The following GJB7 variants were observed in gnomAD, a reference collection of about 807,000 sequenced individuals.
GJB7 encodes the protein gap junction protein beta 7, also known as gap junction beta-7 protein.
For missense variants in GJB7, 253 were observed against 256.8 expected, an observed-to-expected ratio of 0.99 and a Z score of 0.10; for synonymous variants, 87 against 95.2, an observed-to-expected ratio of 0.91 and a Z score of 0.50.
intron 2 of GJB7, among the ~76,000 whole-genome samples, chr6:87,293,787 A>G (rs1776213156): frequency 6.6e-6 from 1 of 152,360 alleles, no homozygotes; most frequent in South Asian, 2.1e-4. Flanking sequence ...GCACTAACCC[A>G]AACAAAGGTA....
rs547582214 is a variant in GJB7, at chr6:87,321,171, A to G, written c.-28+1695T>C. Among the ~76,000 whole-genome samples the G allele has an allele frequency of 4.0e-5, 6 of 150,622 alleles. 2 individuals carry two copies. The highest frequency in any genetic ancestry group is 1.2e-4 in the African/African-American group (5 of 40,936). ...GAGGTGGAGGTTGCAGTGAGCCGAG[A>G]TCATGCCACTGCACTCCAGCCTGGG... On this transcript the variant is annotated intron_variant, in intron 2 of 2. Coordinates refer to ENST00000525899, the MANE Select transcript of GJB7 (RefSeq NM_198568.3).
intron 2 of GJB7, chr6:87,322,225 G>A (rs1259887770): frequency 6.6e-6 from 1 of 152,164 alleles, no homozygotes; most frequent in Non-Finnish European, 1.5e-5. Flanking sequence ...AGTAGGGGTA[G>A]GAAGAAATCA....
intron 2 of GJB7, among the ~76,000 whole-genome samples, chr6:87,296,832 C>T (rs1365022398): frequency 6.6e-6 from 1 of 152,116 alleles, no homozygotes; most frequent in African/African-American, 2.4e-5. Flanking sequence ...GGGAAAAGAC[C>T]TAGCCATCTT....
intron 2 of GJB7, among the ~76,000 whole-genome samples, chr6:87,304,213 C>G (rs549248572): frequency 2.0e-5 from 3 of 152,054 alleles, no homozygotes; most frequent in Non-Finnish European, 2.9e-5. Flanking sequence ...CAAAAAAAAC[C>G]CTTCAAAAAA....
chr6:87,288,832 C>G (rs1372382197), intron 2 of GJB7, among the ~76,000 whole-genome samples: 1 of 152,224 alleles, frequency 6.6e-6, no homozygotes, highest in African/African-American at 2.4e-5. Context: ...GCTTCCACCA[C>G]TCTAATCCAT....
intron 2 of GJB7, chr6:87,300,268 G>A (rs1776301398): frequency 5.4e-6 from 1 of 185,500 alleles, no homozygotes; most frequent in Admixed American, 6.2e-5. Context: ...TGGTGATGAT[G>A]CTATGTTATG....
intron 2 of GJB7, among the ~76,000 whole-genome samples, chr6:87,310,323 C>T (rs960144010): frequency 9.2e-5 from 14 of 151,970 alleles, no homozygotes; most frequent in South Asian, 8.3e-4. Context: ...TTCAGTGTTT[C>T]GAGGAATTGA....
intron 1 of GJB7, among the ~76,000 whole-genome samples, chr6:87,324,402 G>C (rs1425469429): frequency 2.0e-5 from 3 of 151,624 alleles, no homozygotes; most frequent in Admixed American, 2.0e-4. Context: ...TATGGTTTTA[G>C]GTCTAACGTT....
chr6:87,291,142 T>C (rs1008948387), intron 2 of GJB7, among the ~76,000 whole-genome samples: 4 of 152,196 alleles, frequency 2.6e-5, no homozygotes, highest in Non-Finnish European at 4.4e-5. Flanking sequence ...GCTGGTTCTC[T>C]CAATGAGCAG....
intron 2 of GJB7, among the ~76,000 whole-genome samples, chr6:87,286,874 T>A (rs1017748441): frequency 6.6e-6 from 1 of 152,250 alleles, no homozygotes; most frequent in African/African-American, 2.4e-5. Context: ...GGTCACAAAG[T>A]AAGATGCAGA....
intron 2 of GJB7, among the ~76,000 whole-genome samples, chr6:87,306,230 G>A (rs1238023517): frequency 1.3e-5 from 2 of 152,152 alleles, no homozygotes; most frequent in Admixed American, 1.3e-4. Context: ...TACCGTCAGA[G>A]TGAATAGGCA....
intron 2 of GJB7, among the ~76,000 whole-genome samples, chr6:87,296,108 G>T (rs1776246468): frequency 6.6e-6 from 1 of 152,216 alleles, no homozygotes; most frequent in Non-Finnish European, 1.5e-5. Flanking sequence ...GCCAACTAAT[G>T]TATTTGCTGT....
At chr6:87,305,679 T>A (rs188966477) in intron 2 of GJB7, among the ~76,000 whole-genome samples, 4,488 of 152,278 alleles carry the variant, frequency 0.029, 81 homozygotes, top group Non-Finnish European at 0.045. Context: ...AAAGCTACTT[T>A]AAAGTTCATA....
chr6:87,288,504 T>G (rs60992482), intron 2 of GJB7, among the ~76,000 whole-genome samples: 39,235 of 152,130 alleles, frequency 0.26, 5,649 homozygotes, highest in Admixed American at 0.38. Flanking sequence ...GTATCTCCAG[T>G]GTGGACCTCT....
chr6:87,305,000 A>G (rs1279791417), intron 2 of GJB7, among the ~76,000 whole-genome samples: 2 of 152,238 alleles, frequency 1.3e-5, no homozygotes, highest in Admixed American at 1.3e-4. Flanking sequence ...AACTCTCAAT[A>G]AATTAGGTAT....
chr6:87,292,472 A>C (rs1776190393), intron 2 of GJB7, among the ~76,000 whole-genome samples: 1 of 152,246 alleles, frequency 6.6e-6, no homozygotes, highest in Admixed American at 6.5e-5. Flanking sequence ...GTATACTATT[A>C]TAAAAAAAGC....
At chr6:87,310,897 T>G (rs866542497) in intron 2 of GJB7, among the ~76,000 whole-genome samples, 8 of 152,130 alleles carry the variant, frequency 5.3e-5, no homozygotes, top group African/African-American at 1.9e-4. Context: ...CTATAAAACT[T>G]TCAGAAGAAA....
chr6:87,286,128 C>T (rs1294646503), intron 2 of GJB7, among the ~76,000 whole-genome samples: 1 of 152,160 alleles, frequency 6.6e-6, no homozygotes, highest in East Asian at 1.9e-4. Context: ...CCTAGAAAAT[C>T]TCACTCATCC....
In GJB7 at chr6:87,322,886, CGGT is replaced by C. The variant is rs1486500928; in HGVS notation, c.-51_-49del. On this transcript the variant is annotated 5_prime_UTR_variant, in exon 2 of 3. Coordinates refer to ENST00000525899, the MANE Select transcript of GJB7 (RefSeq NM_198568.3). ...CTCACCTTGCGGGCTCCAGTTTGTT[CGGT>C]GCTTCATCCATGGACACCCCCACCC... The C allele has an allele frequency of 1.3e-5, 2 of 152,342 alleles. No homozygotes were observed. The highest frequency in any genetic ancestry group is 4.8e-5 in the African/African-American group (2 of 41,420). 9.4% of individuals were successfully genotyped at this position (152,342 alleles called of 1,614,324 possible).
Sources: allele counts gnomAD v4.1 joint callset (sites outside exome capture counted in the v4.1 genomes callset), GRCh38; gene constraint gnomAD v4.1.1; transcripts MANE v1.5; gene names NCBI Gene and HGNC (gene_info 2026-07-23, HGNC 2026-07-21).